The following SH2D2A variants were observed in gnomAD, a reference collection of about 807,000 sequenced individuals.
SH2D2A encodes SH2 domain containing 2A.
A neutral mutation model predicts 43.6 loss-of-function variants in SH2D2A; 33 were observed. The ratio of observed to expected loss-of-function variants is 0.76; its 90% CI spans 0.57 to 1.01. SH2D2A has a LOEUF of 1.01. Ranked by LOEUF, SH2D2A falls within the 50% of genes least tolerant of loss-of-function variation. SH2D2A has a pLI of 0.00. For synonymous variants in SH2D2A, 212 were observed against 206.1 expected (o/e 1.03, Z -0.25); for missense variants, 491 against 503.1 (o/e 0.98, Z 0.23).
At position 156,809,931 on chromosome 1, in the gene SH2D2A, G is replaced by C. The variant is rs1008103833; in HGVS notation, c.568-124C>G. 10 of 1,121,386 alleles carry C rather than the reference G, an allele frequency of 8.9e-6. No homozygotes were observed. Among genetic ancestry groups the C allele is most frequent in the Non-Finnish European group, 1.3e-5 (10 of 774,536 alleles). The allele number at this position is 1,121,386 out of a possible 1,614,324, so 69.5% of individuals were successfully genotyped here. ...GAAGGGGGAGGAGCACAGAAATTTG[G>C]CCTGGGCTGGGTTCCCTGGATGAGG... On this transcript the variant is annotated intron_variant, in intron 5 of 8. Transcript: ENST00000368199. This position sits in a 1 kb window ranked among gnomAD's most constrained non-coding sequence, Gnocchi z 4.8.
intron 5 of SH2D2A, among the ~76,000 whole-genome samples, chr1:156,810,735 T>C (rs1653354169): frequency 6.6e-6 from 1 of 152,178 alleles, no homozygotes; most frequent in Non-Finnish European, 1.5e-5. Flanking sequence ...TTGGCCAGGC[T>C]GGTCTCGAAA....
intron 1 of SH2D2A, 139 bp downstream of exon 1, chr1:156,816,536 C>T: frequency 2.8e-6 from 2 of 721,566 alleles, no homozygotes; most frequent in Non-Finnish European, 2.3e-6. Context: ...TTGTGGTCAC[C>T]CTGCCAATCA....
Position 156,807,305 on chromosome 1 carries a change from A to T in SH2D2A, c.1043T>A (p.Ile348Asn), listed in dbSNP as rs895411677. Residue 348 changes from isoleucine (I) to asparagine (N), a missense_variant, in exon 8 of 9, where the codon ATT becomes AAT. Coordinates refer to ENST00000368199, the MANE Select transcript of SH2D2A (RefSeq NM_003975.4). The surrounding 1 kb of genome is among the most constrained non-coding windows in gnomAD (Gnocchi z 5.1). ...GSQLHSENSV[I>N]GQGPPLPHQP... Reference sequence around the variant, plus strand: ...GTGGGGCAGGGGAGGGCCTTGCCCAATCACAGAGTTCTCAGAATGCAGCTG... The same window carrying T: ...GTGGGGCAGGGGAGGGCCTTGCCCATTCACAGAGTTCTCAGAATGCAGCTG... The T allele has an allele frequency of 6.3e-6, 10 of 1,592,358 alleles. No individual in the cohort carries two copies. In the Admixed American group the frequency reaches 8.5e-5, roughly 14 times the overall value.
In SH2D2A at chr1:156,807,073, C is replaced by T. The variant is rs1653018163; in HGVS notation, c.*3+102G>A. ...CTGAGCTCCTTTCCAGCTTTGAACA[C>T]CTATGGTTTATTCCATCCACATTTC... is the stretch of plus-strand genomic sequence containing the variant. On this transcript the variant is annotated intron_variant, in intron 8 of 8. Coordinates refer to ENST00000368199, the MANE Select transcript of SH2D2A (RefSeq NM_003975.4). The surrounding 1 kb of genome is among the most constrained non-coding windows in gnomAD (Gnocchi z 5.1). 1.8e-6 allele frequency: 2 copies of T among 1,107,674 alleles called. No individual in the cohort carries two copies. Among genetic ancestry groups the T allele is most frequent in the African/African-American group, 1.5e-5 (1 of 65,128 alleles). 68.6% of individuals were successfully genotyped at this position (1,107,674 alleles called of 1,614,324 possible).
In SH2D2A at chr1:156,807,958, CAG is replaced by C. The variant is rs1258608186; in HGVS notation, c.1003-615_1003-614del. Among the ~76,000 whole-genome samples the C allele has an allele frequency of 6.6e-6, 1 of 152,144 alleles. No individual in the cohort carries two copies. Among genetic ancestry groups the C allele is most frequent in the Non-Finnish European group, 1.5e-5 (1 of 68,036 alleles). ...GCAAGACCATTCTGGCTCTTTGGTG[CAG>C]AGTGGATCAGAAGTGGCAAGAATGG... On this transcript the variant is annotated intron_variant, in intron 7 of 8. Coordinates refer to ENST00000368199, the MANE Select transcript of SH2D2A (RefSeq NM_003975.4). The surrounding 1 kb of genome is among the most constrained non-coding windows in gnomAD (Gnocchi z 5.1).
Position 156,807,274 on chromosome 1 carries a change from G to C in SH2D2A, c.1074C>G (p.Pro358=), listed in dbSNP as rs1361712591. ...IGQGPPLPHQ[P]PPAWRHTLPH... ...GGAGGGTGTGTCTCCAGGCGGGTGGGGGCTGGTGGGGCAGGGGAGGGCCTT... is the reference window on the plus strand; with the variant it reads ...GGAGGGTGTGTCTCCAGGCGGGTGGCGGCTGGTGGGGCAGGGGAGGGCCTT... Residue 358 remains proline (P), a synonymous_variant, in exon 8 of 9, where the codon CCC becomes CCG. Coordinates refer to ENST00000368199, the MANE Select transcript of SH2D2A (RefSeq NM_003975.4). This position sits in a 1 kb window ranked among gnomAD's most constrained non-coding sequence, Gnocchi z 5.1. The C allele has an allele frequency of 6.3e-7, 1 of 1,599,188 alleles. No homozygotes were observed. Among genetic ancestry groups the C allele is most frequent in the Non-Finnish European group, 8.5e-7 (1 of 1,176,558 alleles).
chr1:156,814,555 G>A (rs1470494257), intron 3 of SH2D2A: 5 of 552,620 alleles, frequency 9.0e-6, no homozygotes, highest in African/African-American at 3.9e-5. Flanking sequence ...GCAGCCTGCA[G>A]GGGCTGCTAC....
At chr1:156,810,131 G>T (rs1382083051) in intron 5 of SH2D2A, among the ~76,000 whole-genome samples, 1 of 152,134 alleles carries the variant, frequency 6.6e-6, no homozygotes, top group African/African-American at 2.4e-5. Context: ...GACCTCCTGG[G>T]CTCAAGCTAT....
chr1:156,813,867 G>C lies in SH2D2A; in HGVS notation c.548C>G (p.Thr183Ser). ...GCGTACCTGTCGGGCGAGGGGCTCGGTGAGCGTCTCCCCGTAGGGGCTGAG... is the reference window on the plus strand; with the variant it reads ...GCGTACCTGTCGGGCGAGGGGCTCGCTGAGCGTCTCCCCGTAGGGGCTGAG... Reference protein sequence around the residue: ...HPLSPYGETLTEPLARQTPEP... With the variant: ...HPLSPYGETLSEPLARQTPEP... The change falls in exon 5 of 9, where the codon ACC (threonine) becomes AGC (serine). Residue 183 changes from threonine (T) to serine (S), a missense_variant. Transcript: ENST00000368199. 1 of 1,508,326 alleles carries C rather than the reference G, an allele frequency of 6.6e-7. No individual in the cohort carries two copies. Among genetic ancestry groups the C allele is most frequent in the Non-Finnish European group, 8.9e-7 (1 of 1,129,280 alleles). 93.4% of individuals were successfully genotyped at this position (1,508,326 alleles called of 1,614,324 possible). A position where few individuals can be genotyped will look rare whatever the true frequency, so the allele number is the denominator to read the frequency against.
intron 5 of SH2D2A, among the ~76,000 whole-genome samples, chr1:156,811,446 G>C (rs991837344): frequency 6.6e-6 from 1 of 152,130 alleles, no homozygotes; most frequent in Non-Finnish European, 1.5e-5. Flanking sequence ...GACTCTGTGT[G>C]ATCTCAGACT....
intron 4 of SH2D2A, 34 bp from the exon 5 acceptor site, chr1:156,814,050 C>G: frequency 6.7e-7 from 1 of 1,491,050 alleles, no homozygotes; most frequent in Non-Finnish European, 8.9e-7. Context: ...GACTATCTCC[C>G]GCTCCTCGGC....
chr1:156,813,908 G>C lies in SH2D2A; in HGVS notation c.507C>G (p.His169Gln), dbSNP rs1211661192. ...AHARLQDLLL[H>Q]YTAHPLSPYG... ...AGGGGCTGAGCGGGTGCGCGGTGTA[G>C]TGCAGCAGCAGGTCCTGCAGCCGCG... Residue 169 changes from histidine (H) to glutamine (Q), a missense_variant, in exon 5 of 9, where the codon CAC (histidine) becomes CAG (glutamine). Coordinates refer to ENST00000368199, the MANE Select transcript of SH2D2A (RefSeq NM_003975.4). 3 of 1,548,450 alleles carry C rather than the reference G, an allele frequency of 1.9e-6. No homozygotes were observed. The highest frequency in any genetic ancestry group is 1.7e-6 in the Non-Finnish European group (2 of 1,152,390).
chr1:156,807,214 T>C lies in SH2D2A; in HGVS notation c.1134A>G (p.Arg378=). The C allele has an allele frequency of 6.2e-7, 1 of 1,610,916 alleles. No homozygotes were observed. The highest frequency in any genetic ancestry group is 2.2e-5 in the East Asian group (1 of 44,760). ...GCCCAAGGGGAAGCCATGCCTGTCC[T>C]CTGTCCTGAAGCACCTGTCTAGAAA... ...HNLSRQVLQD[R]GQAWLPLGPP... Residue 378 remains arginine (R), a synonymous_variant, in exon 8 of 9, where the codon AGA becomes AGG. Transcript: ENST00000368199. The surrounding 1 kb of genome is among the most constrained non-coding windows in gnomAD (Gnocchi z 5.1).
intron 5 of SH2D2A, among the ~76,000 whole-genome samples, chr1:156,810,057 A>G (rs1653305683): frequency 6.6e-6 from 1 of 152,168 alleles, no homozygotes; most frequent in Admixed American, 6.5e-5. Context: ...CTTTTTTAAG[A>G]TAGAGTCTCA....
chr1:156,810,395 G>T (rs1471670390), intron 5 of SH2D2A, among the ~76,000 whole-genome samples: 1 of 152,210 alleles, frequency 6.6e-6, no homozygotes, highest in Non-Finnish European at 1.5e-5. Flanking sequence ...ATTTGTGCCT[G>T]TGGTTCTGAA....
At chr1:156,808,944 CCT>C (rs1472942277) in intron 7 of SH2D2A, among the ~76,000 whole-genome samples, 3 of 152,116 alleles carry the variant, frequency 2.0e-5, no homozygotes, top group Non-Finnish European at 4.4e-5. Flanking sequence ...TGCCTGGGGG[CCT>C]CTGTTTTCTG....
chr1:156,813,777 G>T (rs1653591342), intron 5 of SH2D2A, 71 bp downstream of exon 5: 7 of 1,325,294 alleles, frequency 5.3e-6, no homozygotes, highest in Non-Finnish European at 6.8e-6. Flanking sequence ...CGCGTCCTGC[G>T]CCTGGGCTCT....
In SH2D2A at chr1:156,815,126, C is replaced by A. The variant is rs750047089; in HGVS notation, c.219G>T (p.Glu73Asp). 1.1e-5 allele frequency: 18 copies of A among 1,610,096 alleles called. No individual in the cohort carries two copies. Among genetic ancestry groups the A allele is most frequent in the Non-Finnish European group, 6.8e-6 (8 of 1,178,384 alleles). The change falls in exon 3 of 9, where the codon GAG (glutamate) becomes GAT (aspartate). Residue 73 changes from glutamate to aspartate, a missense_variant. Glu to Asp is a conservative substitution (Grantham distance 45). Transcript: ENST00000368199. ...GGGTCTTCTGGAACCAAGCCCGGGTCTCGGCCTGCAGGAACAGGCTTCCTT... is the reference window on the plus strand; with the variant it reads ...GGGTCTTCTGGAACCAAGCCCGGGTATCGGCCTGCAGGAACAGGCTTCCTT... ...PGEGSLFLQAETRAWFQKTQA... is the reference protein window; with the variant it reads ...PGEGSLFLQADTRAWFQKTQA...
chr1:156,816,043 A>T lies in SH2D2A; in HGVS notation c.86T>A (p.Met29Lys). The change falls in exon 2 of 9, where the codon ATG (methionine) becomes AAG (lysine). Residue 29 changes from methionine (M) to lysine (K), a missense_variant. By Grantham distance (95) the Met-to-Lys change is moderately conservative. Coordinates refer to ENST00000368199, the MANE Select transcript of SH2D2A (RefSeq NM_003975.4). ...CAGGTTCTGGCAGCTCCTGCGGGTC[A>T]TGTCTGTGATCTGGAAGGTGCTGAA... The part of the protein sequence containing the change: ...PTFSTFQITD[M>K]TRRSCQNLGY... 2 of 1,614,006 alleles carry T rather than the reference A, an allele frequency of 1.2e-6. No homozygotes were observed. Among genetic ancestry groups the T allele is most frequent in the African/African-American group, 1.3e-5 (1 of 75,006 alleles).
Sources: gnomAD v4.1 joint callset for allele counts (sites outside exome capture counted in the v4.1 genomes callset) on GRCh38, gnomAD v4.1.1 for gene constraint, Gnocchi (gnomAD v3.1) non-coding constraint, MANE v1.5 for transcripts, NCBI Gene and HGNC (gene_info 2026-07-23, HGNC 2026-07-21) for gene names.